Variants in DAB1 observed in about 807,000 individuals in gnomAD.
DAB1 encodes DAB adaptor protein 1.
A neutral mutation model predicts 64.6 loss-of-function variants in DAB1; 15 were observed. That is an observed-to-expected ratio of 0.23 (90% confidence interval 0.16 to 0.36). The LOEUF (loss-of-function observed/expected upper bound fraction) is 0.36. Ranked by LOEUF, DAB1 falls within the 10% of genes least tolerant of loss-of-function variation. The probability of loss-of-function intolerance (pLI) is 1.00; values close to 1 mark genes in which losing one functional copy is unlikely to be tolerated. For missense variants in DAB1, 596 were observed against 706.7 expected, an observed-to-expected ratio of 0.84 and a Z score of 1.78; for synonymous variants, 235 against 251.9, an observed-to-expected ratio of 0.93 and a Z score of 0.64.
At chr1:58,256,169 CA>C in intron 4 of DAB1, among the ~76,000 whole-genome samples, 1 of 152,218 alleles carries the variant, frequency 6.6e-6, no homozygotes, top group East Asian at 1.9e-4. Context: ...CTCTCCAGTG[CA>C]AGTTTAAGAG....
intron 2 of DAB1, among the ~76,000 whole-genome samples, chr1:57,265,166 C>T (rs1670493873): frequency 2.0e-5 from 3 of 152,206 alleles, no homozygotes; most frequent in African/African-American, 7.2e-5. Flanking sequence ...GCCCCACACC[C>T]AGCCTCCAGA....
chr1:57,448,490 C>T (rs1686231468), intron 7 of DAB1, among the ~76,000 whole-genome samples: 1 of 152,122 alleles, frequency 6.6e-6, no homozygotes, highest in Non-Finnish European at 1.5e-5. Flanking sequence ...CAAAATAATT[C>T]CCTCTGTAAC....
At chr1:58,381,446 C>T (rs762533946) in intron 3 of DAB1, among the ~76,000 whole-genome samples, 1 of 152,078 alleles carries the variant, frequency 6.6e-6, no homozygotes, top group Non-Finnish European at 1.5e-5. Context: ...ATAATTAATA[C>T]ACGTTAAAGG....
intron 5 of DAB1, chr1:58,048,090 T>C (rs1484680367): frequency 2.6e-6 from 2 of 774,496 alleles, no homozygotes; most frequent in Non-Finnish European, 4.4e-6. Context: ...ACCACTGTGT[T>C]TGGCTGAGTT....
rs201977266 is a variant in DAB1, at chr1:58,201,022, GT to G, written n.310-50435del. ...AATGTAGTCTATTTTTGTTTGTTTT[GT>G]TTTTTTTTTTTGAGATGGAGTCTCG... On this transcript the variant is annotated intron_variant and non_coding_transcript_variant, in intron 4 of 20. Transcript: ENST00000485760. Among the ~76,000 whole-genome samples the G allele has an allele frequency of 8.7e-3, 1,246 of 143,002 alleles. 15 individuals carry two copies. The highest frequency in any genetic ancestry group is 0.027 in the African/African-American group (1,055 of 39,464). The allele number at this position is 143,002 out of a possible 152,430, so 93.8% of individuals were successfully genotyped here. A position where few individuals can be genotyped will look rare whatever the true frequency, so the allele number is the denominator to read the frequency against.
chr1:57,395,291 G>A (rs1008898282), intron 1 of DAB1, among the ~76,000 whole-genome samples: 37 of 152,178 alleles, frequency 2.4e-4, no homozygotes, highest in African/African-American at 5.5e-4. Flanking sequence ...TTCCCAAAGC[G>A]CTGGGATTAC....
chr1:57,719,646 C>G (rs565416485), intron 6 of DAB1, among the ~76,000 whole-genome samples: 1 of 152,332 alleles, frequency 6.6e-6, no homozygotes, highest in South Asian at 2.1e-4. Context: ...CTCCTGCCAT[C>G]TTGTAAAGAA....
chr1:57,941,383 C>T (rs1645101882), intron 5 of DAB1, among the ~76,000 whole-genome samples: 1 of 152,156 alleles, frequency 6.6e-6, no homozygotes, highest in Non-Finnish European at 1.5e-5. Flanking sequence ...TTTATCACTT[C>T]TTTGGACTTC....
intron 4 of DAB1, among the ~76,000 whole-genome samples, chr1:58,179,933 TAAAA>T: frequency 6.6e-6 from 1 of 151,830 alleles, no homozygotes; most frequent in East Asian, 1.9e-4. Flanking sequence ...AAAAAAACAA[TAAAA>T]AAACAACACT....
At chr1:58,474,029 A>G (rs1284219427) in intron 3 of DAB1, 7 of 819,010 alleles carry the variant, frequency 8.5e-6, no homozygotes, top group South Asian at 1.4e-5. Flanking sequence ...TCAAACTTCT[A>G]CTTCATGGTG....
At chr1:57,132,414 T>C (rs1255753260) in intron 4 of DAB1, among the ~76,000 whole-genome samples, 1 of 152,116 alleles carries the variant, frequency 6.6e-6, no homozygotes, top group East Asian at 1.9e-4. Flanking sequence ...CAATTCATCT[T>C]CAAATCCTCA....
Position 57,647,182 on chromosome 1 carries a change from C to T in DAB1, n.625+2410G>A, listed in dbSNP as rs553170005. ...GAAGTCCTTCCTTGCAAAGGACTCT[C>T]AAAGCTCTCGTTTCTTCTTTATCTC... On this transcript the variant is annotated intron_variant and non_coding_transcript_variant, in intron 7 of 20. Transcript: ENST00000485760. Among the ~76,000 whole-genome samples the T allele has an allele frequency of 1.1e-4, 17 of 152,282 alleles. No individual in the cohort carries two copies. The East Asian group carries it at 3.3e-3, about 29-fold the overall frequency.
At chr1:57,111,993 TG>T (rs1655703101) in intron 4 of DAB1, among the ~76,000 whole-genome samples, 1 of 152,210 alleles carries the variant, frequency 6.6e-6, no homozygotes, top group Non-Finnish European at 1.5e-5. Flanking sequence ...TCAGTTTCAA[TG>T]TCTGCCAAAT....
intron 14 of DAB1, among the ~76,000 whole-genome samples, chr1:57,004,703 A>G (rs768058325): frequency 6.6e-6 from 1 of 152,194 alleles, no homozygotes; most frequent in Non-Finnish European, 1.5e-5. Context: ...TGAAAAAGGT[A>G]TTGGTAGTCA....
chr1:58,033,542 T>C (rs1046638481), intron 5 of DAB1, among the ~76,000 whole-genome samples: 3 of 152,200 alleles, frequency 2.0e-5, no homozygotes, highest in Non-Finnish European at 4.4e-5. Context: ...CAAAACTCAA[T>C]CAAAGGGCCA....
At chr1:57,270,691 T>C (rs942407840) in intron 2 of DAB1, among the ~76,000 whole-genome samples, 22 of 152,208 alleles carry the variant, frequency 1.4e-4, no homozygotes, top group African/African-American at 5.3e-4. Flanking sequence ...CTGACGTAGG[T>C]GCTGGTGACC....
chr1:57,046,240 C>A lies in DAB1; in HGVS notation c.723+16644G>T, dbSNP rs1648471431. On this transcript the variant is annotated intron_variant, in intron 9 of 14. Coordinates refer to ENST00000371236, the MANE Select transcript of DAB1 (RefSeq NM_001365792.1). ...TGTTAAGCAATGAAGCCTTTGGATT[C>A]CCTGAAGTAGATACAGCTTGCCAAG... is the stretch of plus-strand genomic sequence containing the variant. Among the ~76,000 whole-genome samples the A allele has an allele frequency of 4.6e-5, 7 of 152,168 alleles. No individual in the cohort carries two copies. The South Asian group carries it at 1.2e-3, about 27-fold the overall frequency.
chr1:57,501,998 G>A (rs908542228), intron 7 of DAB1, among the ~76,000 whole-genome samples: 3 of 151,926 alleles, frequency 2.0e-5, no homozygotes, highest in Admixed American at 6.6e-5. Context: ...TTCTGTCTCC[G>A]CAGTACCGGA....
intron 6 of DAB1, among the ~76,000 whole-genome samples, chr1:57,807,530 A>G (rs965249545): frequency 1.2e-4 from 18 of 152,210 alleles, no homozygotes; most frequent in African/African-American, 4.3e-4. Context: ...GCAGCAATAG[A>G]TAATTAAAAC....
Sources: allele counts gnomAD v4.1 joint callset (sites outside exome capture counted in the v4.1 genomes callset), GRCh38; gene constraint gnomAD v4.1.1; transcripts MANE v1.5; gene names NCBI Gene and HGNC (gene_info 2026-07-23, HGNC 2026-07-21).